STS: variants seen among roughly 807,000 people sequenced by gnomAD.
The protein encoded by STS is steryl-sulfatase.
In STS, 7 loss-of-function variants were observed where a neutral mutation model predicts 26.8. That is an observed-to-expected ratio of 0.26 (90% CI 0.15 to 0.49). STS has a LOEUF of 0.49. STS is among the 20% of genes least tolerant of loss of function. The probability of loss-of-function intolerance (pLI) is 0.98; values close to 1 mark genes in which losing one functional copy is unlikely to be tolerated. For synonymous variants in STS, 199 were observed against 189.4 expected (o/e 1.05, Z -0.42); for missense variants, 434 against 465.6 (o/e 0.93, Z 0.63).
At chrX:7,273,415 A>C (rs771880382) in intron 6 of STS, among the ~76,000 whole-genome samples, 1 of 111,775 alleles carries the variant, frequency 8.9e-6, no homozygotes, top group East Asian at 2.8e-4. Flanking sequence ...TAGGACTGAA[A>C]AATAGGACCA....
chrX:7,206,178 G>C (rs755523955), intron 2 of STS, among the ~76,000 whole-genome samples: 3 of 111,893 alleles, frequency 2.7e-5, no homozygotes, highest in South Asian at 3.8e-4. Flanking sequence ...ACTATATTTT[G>C]TTTTATTGCT....
intron 7 of STS, among the ~76,000 whole-genome samples, chrX:7,282,423 A>G (rs1924914031): frequency 9.1e-6 from 1 of 110,056 alleles, no homozygotes; most frequent in African/African-American, 3.3e-5. Flanking sequence ...CTGGTCTTGA[A>G]CTCCTGGGCT....
At chrX:7,295,252 C>G (rs1925607383) in intron 7 of STS, among the ~76,000 whole-genome samples, 1 of 110,951 alleles carries the variant, frequency 9.0e-6, no homozygotes, top group Non-Finnish European at 1.9e-5. Context: ...AAGTCATGGC[C>G]CAATTATAGC....
At chrX:7,315,100 C>T (rs1184386754) in intron 8 of STS, among the ~76,000 whole-genome samples, 2 of 111,885 alleles carry the variant, frequency 1.8e-5, no homozygotes, top group Non-Finnish European at 3.8e-5. Flanking sequence ...CTGTTTTTTT[C>T]CCACAGTAAT....
intron 2 of STS, among the ~76,000 whole-genome samples, chrX:7,205,524 A>G (rs773093396): frequency 1.6e-4 from 18 of 112,013 alleles, no homozygotes; most frequent in Non-Finnish European, 3.0e-4. Context: ...TCAGGGGCCA[A>G]TGCAACTGTG....
intron 2 of STS, among the ~76,000 whole-genome samples, chrX:7,245,403 A>C (rs1922817566): frequency 3.6e-5 from 4 of 112,236 alleles, no homozygotes; most frequent in Admixed American, 2.8e-4. Flanking sequence ...AATTAAACAG[A>C]ATAAACATAC....
intron 8 of STS, among the ~76,000 whole-genome samples, chrX:7,309,732 A>T: frequency 9.0e-6 from 1 of 111,376 alleles, no homozygotes; most frequent in East Asian, 2.8e-4. Flanking sequence ...AAAAACAATT[A>T]TCTAATATTC....
At chrX:7,314,953 A>G (rs1926647725) in intron 8 of STS, among the ~76,000 whole-genome samples, 3 of 112,072 alleles carry the variant, frequency 2.7e-5, no homozygotes, top group Admixed American at 9.5e-5. Flanking sequence ...TTGATAGTCA[A>G]AGGTCAAGCT....
chrX:7,204,400 C>G (rs1458193937), intron 2 of STS, among the ~76,000 whole-genome samples: 1 of 111,072 alleles, frequency 9.0e-6, no homozygotes, highest in Admixed American at 9.5e-5. Context: ...CAATTGTTTT[C>G]TCATTCATCA....
intron 1 of STS, among the ~76,000 whole-genome samples, chrX:7,159,253 G>A (rs1413215772): frequency 9.0e-6 from 1 of 111,167 alleles, no homozygotes; most frequent in Non-Finnish European, 1.9e-5. Context: ...TCAGAAGACT[G>A]CCTGCTGTTT....
intron 2 of STS, among the ~76,000 whole-genome samples, chrX:7,248,299 CA>C (rs1922982797): frequency 8.9e-6 from 1 of 112,129 alleles, no homozygotes; most frequent in Admixed American, 9.5e-5. Flanking sequence ...TTGGCTGAAA[CA>C]AACAAGCTCC....
At chrX:7,194,892 C>T (rs1041556957) in intron 2 of STS, among the ~76,000 whole-genome samples, 3 of 111,589 alleles carry the variant, frequency 2.7e-5, no homozygotes, top group South Asian at 3.8e-4. Context: ...CTACTATACA[C>T]GCAGACTGTA....
intron 1 of STS, among the ~76,000 whole-genome samples, chrX:7,162,119 A>G (rs1933256660): frequency 8.9e-6 from 1 of 111,929 alleles, no homozygotes. Context: ...TTTCTAGACC[A>G]GGTTCTGTCA....
intron 8 of STS, 104 bp from the exon 9 acceptor site, chrX:7,325,235 G>C (rs189964813): frequency 2.0e-4 from 164 of 826,551 alleles, no homozygotes; most frequent in Admixed American, 6.8e-4. Context: ...TATGTAATTA[G>C]AGCAGTTGGT....
At chrX:7,195,751 G>C (rs900640997) in intron 2 of STS, among the ~76,000 whole-genome samples, 1 of 111,888 alleles carries the variant, frequency 8.9e-6, no homozygotes, top group Non-Finnish European at 1.9e-5. Context: ...TCAGCCCTGC[G>C]GTGGGAATTG....
chrX:7,253,369 C>T (rs1923238599), intron 3 of STS, 33 bp downstream of exon 3: 1 of 1,207,296 alleles, frequency 8.3e-7, no homozygotes, highest in African/African-American at 1.8e-5. Flanking sequence ...AAACACATGG[C>T]TGTATTCATA....
intron 1 of STS, among the ~76,000 whole-genome samples, chrX:7,149,314 A>C (rs1224955957): frequency 8.9e-6 from 1 of 112,058 alleles, no homozygotes; most frequent in African/African-American, 3.2e-5. Flanking sequence ...GGACAGGGGC[A>C]TGCCTGGATT....
At chrX:7,218,498 A>G (rs886593159) in intron 2 of STS, among the ~76,000 whole-genome samples, 1 of 112,250 alleles carries the variant, frequency 8.9e-6, no homozygotes, top group East Asian at 2.8e-4. Flanking sequence ...TCACTAATCT[A>G]TGTGCTTAAC....
intron 1 of STS, among the ~76,000 whole-genome samples, chrX:7,186,988 A>G (rs1383059805): frequency 9.0e-6 from 1 of 111,594 alleles, no homozygotes; most frequent in East Asian, 2.9e-4. Context: ...GGAGCCAGGA[A>G]GGTCCCTCAG....
Sources: allele counts gnomAD v4.1 joint callset (sites outside exome capture counted in the v4.1 genomes callset), GRCh38; gene constraint gnomAD v4.1.1; transcripts MANE v1.5; gene names NCBI Gene and HGNC (gene_info 2026-07-23, HGNC 2026-07-21).